FYN: variants seen among roughly 807,000 people sequenced by gnomAD.
FYN encodes FYN proto-oncogene, Src family tyrosine kinase.
In FYN, 10 loss-of-function variants were observed where a neutral mutation model predicts 70.2. The ratio of observed to expected loss-of-function variants is 0.14; its 90% CI spans 0.09 to 0.24. The LOEUF is 0.24. FYN is among the 10% of genes least tolerant of loss of function. The pLI is 1.00. For missense variants in FYN, 319 were observed against 673.1 expected (o/e 0.47, Z 5.82); for synonymous variants, 236 against 248.6 (o/e 0.95, Z 0.48).
chr6:111,771,215 C>T (rs1404554161), intron 3 of FYN, among the ~76,000 whole-genome samples: 7 of 152,078 alleles, frequency 4.6e-5, no homozygotes, highest in Admixed American at 4.6e-4. Context: ...AGGGACTGAG[C>T]TGACAGAGTT....
chr6:111,814,656 T>A (rs1281460508), intron 2 of FYN, among the ~76,000 whole-genome samples: 4 of 152,200 alleles, frequency 2.6e-5, no homozygotes, highest in Admixed American at 2.6e-4. Flanking sequence ...GCAAAGATAT[T>A]TTCAAGGATC....
chr6:111,824,335 C>T (rs1772765755), intron 2 of FYN, among the ~76,000 whole-genome samples: 1 of 152,168 alleles, frequency 6.6e-6, no homozygotes, highest in African/African-American at 2.4e-5. Flanking sequence ...AGTGCCTCTA[C>T]TTTGAAATGA....
rs1234061152 is a variant in FYN, at chr6:111,852,684, TA to T, written c.-122-6056del. Among the ~76,000 whole-genome samples, 18 of 148,860 alleles carry T rather than the reference TA, an allele frequency of 1.2e-4. No individual in the cohort carries two copies. The South Asian group carries it at 2.1e-3, about 18-fold the overall frequency. On this transcript the variant is annotated intron_variant, in intron 1 of 13. Coordinates refer to ENST00000354650, the MANE Select transcript of FYN (RefSeq NM_002037.5). ...CAGTAAAAATTTTATTAGTAAGAGT[TA>T]AAAAAAAAATCCAAAATCTAGTTAT...
At chr6:111,840,033 C>T (rs1414009276) in intron 2 of FYN, among the ~76,000 whole-genome samples, 2 of 152,152 alleles carry the variant, frequency 1.3e-5, no homozygotes, top group Non-Finnish European at 1.5e-5. Flanking sequence ...TGGCCTTGCC[C>T]GCTCTGGGGA....
chr6:111,711,019 T>C (rs1800352123), intron 5 of FYN, among the ~76,000 whole-genome samples: 1 of 152,168 alleles, frequency 6.6e-6, no homozygotes, highest in Admixed American at 6.5e-5. Flanking sequence ...TTCCTCTGAT[T>C]TAAAGACTTG....
intron 7 of FYN, 87 bp from the exon 8 acceptor site, chr6:111,703,121 A>G: frequency 7.8e-7 from 1 of 1,281,138 alleles, no homozygotes; most frequent in Non-Finnish European, 1.1e-6. Flanking sequence ...TCTGATTAAT[A>G]ATTACCAAGG....
intron 2 of FYN, among the ~76,000 whole-genome samples, chr6:111,802,967 A>G (rs1235801711): frequency 6.6e-6 from 1 of 152,228 alleles, no homozygotes; most frequent in Non-Finnish European, 1.5e-5. Flanking sequence ...GAAATCGTAT[A>G]ATCTGGGACC....
intron 2 of FYN, among the ~76,000 whole-genome samples, chr6:111,833,378 C>T (rs1265143456): frequency 6.6e-6 from 1 of 152,154 alleles, no homozygotes; most frequent in Non-Finnish European, 1.5e-5. Context: ...TGTGCCTCTG[C>T]GTAGATATCT....
intron 1 of FYN, among the ~76,000 whole-genome samples, chr6:111,848,580 C>T (rs1197250363): frequency 6.6e-6 from 1 of 152,172 alleles, no homozygotes; most frequent in Non-Finnish European, 1.5e-5. Flanking sequence ...AATATATACA[C>T]CCATCATTCT....
Position 111,788,583 on chromosome 6 carries a change from TC to T in FYN, c.-81-7949del, listed in dbSNP as rs1771489724. ...CCAAAGCTCTCTGTGCCCATGGCTA[TC>T]CTGTGCAACATGAGGTACAAGCTGG... is the stretch of plus-strand genomic sequence containing the variant. On this transcript the variant is annotated intron_variant, in intron 2 of 13. Coordinates refer to ENST00000354650, the MANE Select transcript of FYN (RefSeq NM_002037.5). Among the ~76,000 whole-genome samples, 3 of 152,176 alleles carry T rather than the reference TC, an allele frequency of 2.0e-5. No individual in the cohort carries two copies. The South Asian group carries it at 6.2e-4, about 32-fold the overall frequency.
chr6:111,867,458 G>GGA (rs1359978028), intron 1 of FYN, among the ~76,000 whole-genome samples: 2,219 of 70,508 alleles, frequency 0.031, 33 homozygotes, highest in Non-Finnish European at 0.049. Context: ...TCCGTCTCGG[G>GGA]AAAAAAAAAA....
At chr6:111,748,084 CTTACA>C (rs1332834308) in intron 3 of FYN, among the ~76,000 whole-genome samples, 1 of 152,192 alleles carries the variant, frequency 6.6e-6, no homozygotes, top group African/African-American at 2.4e-5. Context: ...GATCTCCTTC[CTTACA>C]TATTTTAACA....
intron 2 of FYN, among the ~76,000 whole-genome samples, chr6:111,783,636 C>T (rs1166863239): frequency 6.6e-6 from 1 of 152,188 alleles, no homozygotes; most frequent in Non-Finnish European, 1.5e-5. Context: ...GTATGACTCC[C>T]GGTATAAAGT....
chr6:111,675,033 T>C (rs569096194), intron 12 of FYN, among the ~76,000 whole-genome samples: 1 of 152,154 alleles, frequency 6.6e-6, no homozygotes, highest in South Asian at 2.1e-4. Context: ...ATTAAACCAC[T>C]GAGCTGCTCC....
chr6:111,700,762 C>A (rs1415758656), intron 8 of FYN, among the ~76,000 whole-genome samples: 1 of 152,056 alleles, frequency 6.6e-6, no homozygotes, highest in Admixed American at 6.6e-5. Context: ...ATCTAGATTA[C>A]CCAGGGGATT....
At chr6:111,735,813 C>A (rs566859799) in intron 3 of FYN, among the ~76,000 whole-genome samples, 1 of 152,296 alleles carries the variant, frequency 6.6e-6, no homozygotes, top group Non-Finnish European at 1.5e-5. Context: ...AAATCATCCC[C>A]AACTGTGGCA....
chr6:111,692,674 G>C (rs1023682312), intron 12 of FYN, among the ~76,000 whole-genome samples: 1 of 152,184 alleles, frequency 6.6e-6, no homozygotes, highest in African/African-American at 2.4e-5. Flanking sequence ...CACACAGAAG[G>C]GTGAGCACAC....
chr6:111,680,950 T>C (rs1562466963), intron 12 of FYN, among the ~76,000 whole-genome samples: 1 of 152,178 alleles, frequency 6.6e-6, no homozygotes, highest in Non-Finnish European at 1.5e-5. Flanking sequence ...TTGGGCTTAC[T>C]CAAGCAAGTT....
intron 2 of FYN, among the ~76,000 whole-genome samples, chr6:111,839,301 A>G (rs1384916299): frequency 6.6e-6 from 1 of 152,116 alleles, no homozygotes; most frequent in South Asian, 2.1e-4. Flanking sequence ...TATCTGGTCT[A>G]TATTCTGGAT....
Sources: allele counts gnomAD v4.1 joint callset (sites outside exome capture counted in the v4.1 genomes callset), GRCh38; gene constraint gnomAD v4.1.1; transcripts MANE v1.5; gene names NCBI Gene and HGNC (gene_info 2026-07-23, HGNC 2026-07-21).